Variants in SNX18 observed in about 807,000 individuals in gnomAD.
The protein encoded by SNX18 is sorting nexin-18.
A neutral mutation model predicts 48.7 loss-of-function variants in SNX18; 35 were observed. The observed-to-expected ratio is 0.72, with a 90% CI of 0.55 to 0.95. The LOEUF (loss-of-function observed/expected upper bound fraction) is 0.95. Ranked by LOEUF, SNX18 falls within the 40% of genes least tolerant of loss-of-function variation. The pLI, the probability that SNX18 is intolerant of heterozygous loss-of-function variation, is 0.00. For synonymous variants in SNX18, 492 were observed against 384.7 expected (o/e 1.28, Z -3.26); for missense variants, 824 against 871.0 (o/e 0.95, Z 0.68).
chr5:54,605,731 C>A, the SNX18 span, among the ~76,000 whole-genome samples: 1 of 152,158 alleles, frequency 6.6e-6, no homozygotes, highest in Non-Finnish European at 1.5e-5. Context: ...ACTATCGCAG[C>A]TCACTGAAGC....
At chr5:54,602,980 A>T in the SNX18 span, among the ~76,000 whole-genome samples, 1 of 152,134 alleles carries the variant, frequency 6.6e-6, no homozygotes, top group Non-Finnish European at 1.5e-5. Flanking sequence ...TGCCCTGCTC[A>T]TACCTGACAA....
At chr5:54,541,429 G>A (rs1244467506) in intron 1 of SNX18, among the ~76,000 whole-genome samples, 1 of 152,180 alleles carries the variant, frequency 6.6e-6, no homozygotes, top group Non-Finnish European at 1.5e-5. Context: ...AATTTTTTAT[G>A]TTGGGGAGAT....
At chr5:54,547,657 G>C (rs577062875), downstream of SNX18, among the ~76,000 whole-genome samples, 3 of 152,310 alleles carry the variant, frequency 2.0e-5, no homozygotes, top group African/African-American at 7.2e-5. Flanking sequence ...GCAGTCTTAC[G>C]TAGACTGGGA....
At chr5:54,576,803 T>C in the SNX18 span, among the ~76,000 whole-genome samples, 1 of 151,846 alleles carries the variant, frequency 6.6e-6, no homozygotes. Context: ...GTTTGTTTGC[T>C]TGCTTGTTTG....
the SNX18 span, among the ~76,000 whole-genome samples, chr5:54,617,199 A>G: frequency 1.3e-5 from 2 of 152,212 alleles, no homozygotes; most frequent in African/African-American, 4.8e-5. Context: ...TCTCCTTTCC[A>G]TGGGCTCCAG....
At chr5:54,569,251 G>A in the SNX18 span, among the ~76,000 whole-genome samples, 20 of 152,114 alleles carry the variant, frequency 1.3e-4, no homozygotes, top group South Asian at 8.3e-4. Context: ...AAAGAAGAGC[G>A]TTAATCACCA....
the SNX18 span, among the ~76,000 whole-genome samples, chr5:54,605,889 T>A: frequency 6.6e-6 from 1 of 152,110 alleles, no homozygotes; most frequent in Non-Finnish European, 1.5e-5. Context: ...ATCTTGAACT[T>A]CTGGGCTCCA....
Position 54,518,839 on chromosome 5 carries a change from T to A in SNX18, c.887T>A (p.Ile296Asn), listed in dbSNP as rs754231394. 2 of 1,610,740 alleles carry A rather than the reference T, an allele frequency of 1.2e-6. No individual in the cohort carries two copies. Among genetic ancestry groups the A allele is most frequent in the Admixed American group, 1.7e-5 (1 of 59,714 alleles). Residue 296 changes from isoleucine (I) to asparagine (N), a missense_variant, in exon 1 of 2, where the codon ATC becomes AAC. By Grantham distance (149) the Ile-to-Asn change is moderately radical. Around this residue, in one of 3 missense-constraint regions of SNX18, gnomAD observed 443 missense variants for 503.6 expected, o/e 0.88. Coordinates refer to ENST00000381410, the MANE Select transcript of SNX18 (RefSeq NM_001102575.2). ...AAGTTCAAGGGCATGAAGAGCTACA[T>A]CTCCTACAAGCTGGTGCCCACGCAC... ...QTKFKGMKSY[I>N]SYKLVPTHTQ...
At chr5:54,589,386 C>T in the SNX18 span, among the ~76,000 whole-genome samples, 26,631 of 151,944 alleles carry the variant, frequency 0.18, 2,507 homozygotes, top group Middle Eastern at 0.26. Flanking sequence ...CCCTGAGGCA[C>T]GAGGGCCAGC....
chr5:54,573,223 T>C, the SNX18 span, among the ~76,000 whole-genome samples: 1 of 152,178 alleles, frequency 6.6e-6, no homozygotes, highest in Admixed American at 6.5e-5. Context: ...TATACAAGCA[T>C]TGTAACTAGG....
the SNX18 span, among the ~76,000 whole-genome samples, chr5:54,556,806 A>G: frequency 2.0e-5 from 3 of 152,190 alleles, no homozygotes; most frequent in East Asian, 5.8e-4. Context: ...TGTAAAGTCT[A>G]GATTTCCACC....
the SNX18 span, among the ~76,000 whole-genome samples, chr5:54,601,293 T>C: frequency 6.6e-6 from 1 of 152,208 alleles, no homozygotes; most frequent in Non-Finnish European, 1.5e-5. Flanking sequence ...ACTGATTCTA[T>C]CTAGTCCTCT....
chr5:54,576,191 G>C, the SNX18 span, among the ~76,000 whole-genome samples: 2 of 152,142 alleles, frequency 1.3e-5, no homozygotes, highest in Non-Finnish European at 2.9e-5. Context: ...CTCAGCTTTT[G>C]AGTCTTCCAG....
At chr5:54,567,111 T>C in the SNX18 span, among the ~76,000 whole-genome samples, 2 of 152,204 alleles carry the variant, frequency 1.3e-5, no homozygotes, top group African/African-American at 4.8e-5. Flanking sequence ...ATTTGTGTTA[T>C]TACAATCAAA....
At chr5:54,624,283 A>G in the SNX18 span, among the ~76,000 whole-genome samples, 1 of 152,194 alleles carries the variant, frequency 6.6e-6, no homozygotes, top group Non-Finnish European at 1.5e-5. Flanking sequence ...CTGGTATTCA[A>G]GTTCTCACCA....
chr5:54,566,918 G>A, the SNX18 span, among the ~76,000 whole-genome samples: 5,804 of 152,274 alleles, frequency 0.038, 145 homozygotes, highest in East Asian at 0.094. Flanking sequence ...TCCCCATCCC[G>A]ACTTCAGAGA....
the SNX18 span, among the ~76,000 whole-genome samples, chr5:54,621,355 C>T: frequency 1.3e-5 from 2 of 152,150 alleles, no homozygotes; most frequent in Non-Finnish European, 2.9e-5. Context: ...GGGTTCTTGC[C>T]AACTTGTGTC....
the SNX18 span, among the ~76,000 whole-genome samples, chr5:54,628,534 C>T: frequency 6.6e-6 from 1 of 152,166 alleles, no homozygotes; most frequent in African/African-American, 2.4e-5. Context: ...CCCTCAGAAC[C>T]TCACCACCTC....
the SNX18 span, chr5:54,645,765 C>T: frequency 6.6e-6 from 1 of 152,212 alleles, no homozygotes; most frequent in Admixed American, 6.5e-5. Context: ...AAGGCAAACC[C>T]ATATGAGTGT....
Sources: allele counts gnomAD v4.1 joint callset (sites outside exome capture counted in the v4.1 genomes callset), GRCh38; gene constraint gnomAD v4.1.1; regional missense constraint gnomAD v4.1.1; transcripts MANE v1.5; gene names NCBI Gene and HGNC (gene_info 2026-07-23, HGNC 2026-07-21).